Variants in CNTNAP2 observed in about 807,000 individuals in gnomAD.
The protein encoded by CNTNAP2 is contactin associated protein 2, also known as contactin-associated protein-like 2.
A neutral mutation model predicts 155.2 loss-of-function variants in CNTNAP2; 98 were observed. That is an observed-to-expected ratio of 0.63 (90% CI 0.54 to 0.75). The LOEUF (loss-of-function observed/expected upper bound fraction) is 0.75. CNTNAP2 is among the 30% of genes least tolerant of loss of function. The probability of loss-of-function intolerance (pLI) is 0.00; values close to 1 mark genes in which losing one functional copy is unlikely to be tolerated. For missense variants in CNTNAP2, 1,727 were observed against 1,688.1 expected (o/e 1.02, Z -0.40); for synonymous variants, 651 against 631.2 (o/e 1.03, Z -0.47).
intron 15 of CNTNAP2, among the ~76,000 whole-genome samples, chr7:148,082,604 G>T (rs1260648306): frequency 1.3e-5 from 2 of 152,140 alleles, no homozygotes; most frequent in African/African-American, 2.4e-5. Context: ...GGAGGTGGGG[G>T]ATTCGCAGGT....
At chr7:148,302,331 G>A (rs1797405205) in intron 21 of CNTNAP2, among the ~76,000 whole-genome samples, 1 of 152,200 alleles carries the variant, frequency 6.6e-6, no homozygotes, top group Non-Finnish European at 1.5e-5. Context: ...GGCTGAACTT[G>A]GTTAGGGGAG....
At chr7:146,560,476 G>GCA (rs1563135259) in intron 1 of CNTNAP2, among the ~76,000 whole-genome samples, 4 of 151,222 alleles carry the variant, frequency 2.6e-5, no homozygotes, top group African/African-American at 9.7e-5. Flanking sequence ...ATGTGTGTGT[G>GCA]TATATATATA....
chr7:147,850,816 A>C (rs1798923109), intron 13 of CNTNAP2, among the ~76,000 whole-genome samples: 1 of 152,132 alleles, frequency 6.6e-6, no homozygotes, highest in East Asian at 1.9e-4. Flanking sequence ...AACCATAAAA[A>C]CTCTAGAAGA....
At chr7:146,466,616 T>G (rs1198038837) in intron 1 of CNTNAP2, among the ~76,000 whole-genome samples, 2 of 152,140 alleles carry the variant, frequency 1.3e-5, no homozygotes, top group Non-Finnish European at 2.9e-5. Context: ...TTATTCTAGA[T>G]TCCAGTAGAA....
intron 1 of CNTNAP2, among the ~76,000 whole-genome samples, chr7:146,340,242 A>T (rs188070785): frequency 6.7e-6 from 1 of 148,836 alleles, no homozygotes; most frequent in Non-Finnish European, 1.5e-5. Context: ...AGCCAATTTT[A>T]ACTCAGGAGA....
chr7:147,367,980 C>A (rs1796265239), intron 9 of CNTNAP2, among the ~76,000 whole-genome samples: 1 of 149,554 alleles, frequency 6.7e-6, no homozygotes, highest in East Asian at 2.0e-4. Context: ...AAAAGCCTTT[C>A]TTTCTTTCTC....
At chr7:146,947,750 A>G (rs901983052) in intron 3 of CNTNAP2, among the ~76,000 whole-genome samples, 1 of 151,336 alleles carries the variant, frequency 6.6e-6, no homozygotes, top group Non-Finnish European at 1.5e-5. Flanking sequence ...TACAAAAAAT[A>G]AAATAAAATT....
chr7:146,130,678 TC>T (rs1023345768), intron 1 of CNTNAP2, among the ~76,000 whole-genome samples: 1 of 152,230 alleles, frequency 6.6e-6, no homozygotes, highest in African/African-American at 2.4e-5. Context: ...TAGTTTGTTT[TC>T]ACACTGCTAT....
intron 11 of CNTNAP2, among the ~76,000 whole-genome samples, chr7:147,527,405 A>G (rs1799347525): frequency 6.6e-6 from 1 of 152,178 alleles, no homozygotes; most frequent in South Asian, 2.1e-4. Context: ...GGTCCTAAAA[A>G]GTGAAAAGCT....
intron 4 of CNTNAP2, among the ~76,000 whole-genome samples, chr7:147,066,951 G>A (rs1799790412): frequency 1.3e-5 from 2 of 152,174 alleles, no homozygotes; most frequent in South Asian, 2.1e-4. Context: ...GTTCCTTGTT[G>A]TATCACCATA....
intron 1 of CNTNAP2, among the ~76,000 whole-genome samples, chr7:146,490,652 T>A (rs1797124934): frequency 6.6e-6 from 1 of 152,234 alleles, no homozygotes; most frequent in Non-Finnish European, 1.5e-5. Flanking sequence ...TAAAGGTGTA[T>A]CTGCACTTAA....
intron 14 of CNTNAP2, among the ~76,000 whole-genome samples, chr7:147,914,221 C>T (rs980600023): frequency 7.2e-5 from 11 of 152,032 alleles, no homozygotes; most frequent in South Asian, 2.1e-4. Context: ...AGGTATAATA[C>T]GAGTCTGGTG....
At chr7:148,255,656 G>C (rs1249467740) in intron 20 of CNTNAP2, among the ~76,000 whole-genome samples, 1 of 152,052 alleles carries the variant, frequency 6.6e-6, no homozygotes, top group Non-Finnish European at 1.5e-5. Flanking sequence ...ACCTTAAGAG[G>C]CAGATATATT....
At chr7:148,093,234 A>G (rs1252314843) in intron 15 of CNTNAP2, among the ~76,000 whole-genome samples, 2 of 152,152 alleles carry the variant, frequency 1.3e-5, no homozygotes, top group Non-Finnish European at 2.9e-5. Flanking sequence ...GCTAGAAAAA[A>G]TAATAATAAA....
At chr7:146,255,855 A>G (rs187863732) in intron 1 of CNTNAP2, among the ~76,000 whole-genome samples, 58 of 152,324 alleles carry the variant, frequency 3.8e-4, no homozygotes, top group Middle Eastern at 3.4e-3. Context: ...CCTGGAATTC[A>G]TCATGAGACA....
At chr7:146,669,306 A>T (rs955843817) in intron 1 of CNTNAP2, among the ~76,000 whole-genome samples, 1 of 152,104 alleles carries the variant, frequency 6.6e-6, no homozygotes, top group Non-Finnish European at 1.5e-5. Flanking sequence ...TTTGACATGG[A>T]GATTTTGCAG....
chr7:147,963,571 G>A (rs1801151179), intron 14 of CNTNAP2, among the ~76,000 whole-genome samples: 1 of 152,072 alleles, frequency 6.6e-6, no homozygotes, highest in African/African-American at 2.4e-5. Flanking sequence ...TTGAGGAACA[G>A]TAAATGGTTT....
chr7:147,911,907 G>A (rs1311877769), intron 14 of CNTNAP2, among the ~76,000 whole-genome samples: 2 of 152,126 alleles, frequency 1.3e-5, no homozygotes, highest in Admixed American at 6.5e-5. Context: ...ACGCTGCTAC[G>A]AGCACGGTGG....
At chr7:148,157,050 A>C (rs1805412564) in intron 17 of CNTNAP2, among the ~76,000 whole-genome samples, 1 of 152,150 alleles carries the variant, frequency 6.6e-6, no homozygotes, top group East Asian at 1.9e-4. Context: ...GTGTAGCTTC[A>C]CTTCATCCTC....
Sources: allele counts gnomAD v4.1 joint callset (sites outside exome capture counted in the v4.1 genomes callset), GRCh38; gene constraint gnomAD v4.1.1; transcripts MANE v1.5; gene names NCBI Gene and HGNC (gene_info 2026-07-23, HGNC 2026-07-21).